CELF4: variants seen among roughly 807,000 people sequenced by gnomAD.
CELF4 encodes CUG-BP- and ETR-3-like factor 4.
CELF4 carries 18 observed loss-of-function variants against 59.9 expected under a neutral mutation model. The observed-to-expected ratio is 0.30, with a 90% CI of 0.21 to 0.45. The LOEUF is 0.45. Ranked by LOEUF, CELF4 falls within the 20% of genes least tolerant of loss-of-function variation. The pLI is 1.00. For missense variants in CELF4, 456 were observed against 689.0 expected (o/e 0.66, Z 3.79); for synonymous variants, 261 against 267.1 (o/e 0.98, Z 0.22).
rs889855689 is a variant in CELF4 at position 37,273,340 on chromosome 18, G to A, written c.802-177C>T. ...TTGCCCTGTACCTCAACAGCTATTA[G>A]AGTCCACCACCCTGAGAGATGACTG... On this transcript the variant is annotated intron_variant, in intron 6 of 12. Transcript: ENST00000420428. 8.0e-5 allele frequency: 113 copies of A among 1,405,836 alleles called. No homozygotes were observed. The African/African-American group carries it at 1.4e-3, about 17-fold the overall frequency. The allele number at this position is 1,405,836 out of a possible 1,614,324, so 87.1% of individuals were successfully genotyped here.
intron 1 of CELF4, among the ~76,000 whole-genome samples, chr18:37,518,340 G>A (rs1032146133): frequency 6.6e-6 from 1 of 152,154 alleles, no homozygotes; most frequent in African/African-American, 2.4e-5. Flanking sequence ...GGCAATAAGC[G>A]ACACACAGCC....
At chr18:37,384,726 A>C (rs1445027677) in intron 2 of CELF4, among the ~76,000 whole-genome samples, 1 of 152,154 alleles carries the variant, frequency 6.6e-6, no homozygotes, top group Admixed American at 6.5e-5. Flanking sequence ...AGCTGGCCAG[A>C]GTGGCTACTG....
At chr18:37,444,933 G>A (rs769915500) in intron 2 of CELF4, among the ~76,000 whole-genome samples, 10 of 152,174 alleles carry the variant, frequency 6.6e-5, no homozygotes, top group African/African-American at 2.2e-4. Context: ...TCCTGTGTGC[G>A]TGACGCGGGC....
At chr18:37,429,780 C>T (rs1446593614) in intron 2 of CELF4, among the ~76,000 whole-genome samples, 1 of 152,204 alleles carries the variant, frequency 6.6e-6, no homozygotes, top group Non-Finnish European at 1.5e-5. Flanking sequence ...AGGGGCTCTC[C>T]TCTACAGCCT....
Position 37,398,017 on chromosome 18 carries a change from G to A in CELF4, c.370-76136C>T, listed in dbSNP as rs138106697. Among the ~76,000 whole-genome samples, 3 of 152,276 alleles carry A rather than the reference G, an allele frequency of 2.0e-5. 1 individual carries two copies. The highest frequency in any genetic ancestry group is 6.8e-3 in the Middle Eastern group (2 of 294). On this transcript the variant is annotated intron_variant, in intron 2 of 12. Transcript: ENST00000420428. Reference sequence around the variant, plus strand: ...CTCCCTCTGGTCTCTCCCCACTCAGGCCCGGGTCAGTGGCAACAGCTGTGG... The same window carrying A: ...CTCCCTCTGGTCTCTCCCCACTCAGACCCGGGTCAGTGGCAACAGCTGTGG...
At chr18:37,251,621 G>A (rs1011328829) in intron 12 of CELF4, among the ~76,000 whole-genome samples, 2 of 152,170 alleles carry the variant, frequency 1.3e-5, no homozygotes, top group Non-Finnish European at 2.9e-5. Flanking sequence ...AAGAGGACAA[G>A]CACCCTAACC....
In CELF4 at chr18:37,391,015, CA is replaced by C. The variant is rs1392758373; in HGVS notation, c.370-69135del. 3.9e-5 allele frequency among the ~76,000 whole-genome samples: 6 copies of C among 152,282 alleles called. No individual in the cohort carries two copies. In the East Asian group the frequency reaches 1.2e-3, roughly 30 times the overall value. On this transcript the variant is annotated intron_variant, in intron 2 of 12. Coordinates refer to ENST00000420428, the MANE Select transcript of CELF4 (RefSeq NM_020180.4). ...CTTGTAACTTTGTCAGCTGTCACAGCAGCCCTGAATGTGGAGGCTGCCTGCC... is the reference window on the plus strand; with the variant it reads ...CTTGTAACTTTGTCAGCTGTCACAGCGCCCTGAATGTGGAGGCTGCCTGCC...
chr18:37,487,822 G>T (rs749067604), intron 1 of CELF4, among the ~76,000 whole-genome samples: 55 of 152,328 alleles, frequency 3.6e-4, no homozygotes, highest in Admixed American at 7.2e-4. Context: ...AAGATAACAA[G>T]AAAAGGATTC....
chr18:37,283,259 C>T (rs1033245507), intron 3 of CELF4, among the ~76,000 whole-genome samples: 22 of 152,060 alleles, frequency 1.4e-4, no homozygotes, highest in South Asian at 2.1e-4. Flanking sequence ...GTCACCTTCT[C>T]GGTGCTGACA....
chr18:37,498,742 C>T (rs1426194475), intron 1 of CELF4, among the ~76,000 whole-genome samples: 5 of 152,046 alleles, frequency 3.3e-5, no homozygotes, highest in Admixed American at 2.0e-4. Flanking sequence ...TGCTGCCATC[C>T]GCAGGGTGTC....
chr18:37,311,633 CA>C (rs2096651973), intron 3 of CELF4, among the ~76,000 whole-genome samples: 1 of 151,528 alleles, frequency 6.6e-6, no homozygotes, highest in Middle Eastern at 3.4e-3. Context: ...ACTAAAAATA[CA>C]AAAAATTAGC....
Position 37,310,938 on chromosome 18 carries a change from G to A in CELF4, c.448+10865C>T, listed in dbSNP as rs146897898. Reference sequence around the variant, plus strand: ...CAGACGGTAGTGACATGGGAGTGGCGATGGGATGGGACACGAGAAGGCCGT... The same window carrying A: ...CAGACGGTAGTGACATGGGAGTGGCAATGGGATGGGACACGAGAAGGCCGT... On this transcript the variant is annotated intron_variant, in intron 3 of 12. Transcript: ENST00000420428. Among the ~76,000 whole-genome samples, 230 of 152,254 alleles carry A rather than the reference G, an allele frequency of 1.5e-3. 1 individual carries two copies. The highest frequency in any genetic ancestry group is 4.8e-3 in the African/African-American group (201 of 41,560).
chr18:37,533,196 G>A (rs1199895055), intron 1 of CELF4, among the ~76,000 whole-genome samples: 1 of 152,232 alleles, frequency 6.6e-6, no homozygotes, highest in Non-Finnish European at 1.5e-5. Flanking sequence ...CATTGCTGGA[G>A]AGCTTTGAGT....
At chr18:37,429,153 C>T (rs1227983757) in intron 2 of CELF4, among the ~76,000 whole-genome samples, 4 of 152,196 alleles carry the variant, frequency 2.6e-5, no homozygotes, top group Non-Finnish European at 4.4e-5. Flanking sequence ...CTGGGGCCAT[C>T]GCTGGCTACG....
At chr18:37,368,562 G>A (rs914973969) in intron 2 of CELF4, among the ~76,000 whole-genome samples, 6 of 152,204 alleles carry the variant, frequency 3.9e-5, no homozygotes, top group African/African-American at 1.4e-4. Flanking sequence ...CTTCCCAGGG[G>A]CCTGGTCTGA....
chr18:37,432,826 C>A (rs1413367108), intron 2 of CELF4, among the ~76,000 whole-genome samples: 4 of 152,172 alleles, frequency 2.6e-5, no homozygotes, highest in Admixed American at 6.5e-5. Flanking sequence ...TTTCAGGAAG[C>A]CTTCTTGGAT....
rs184344320 is a variant in CELF4 at position 37,475,923 on chromosome 18, C to T, written c.369+9602G>A. Among the ~76,000 whole-genome samples the T allele has an allele frequency of 5.3e-5, 8 of 152,298 alleles. No homozygotes were observed. The East Asian group carries it at 7.7e-4, about 15-fold the overall frequency. ...TCCTCCCCACTCCATGGAGTCCTTT[C>T]GGGGCATCCCAGCTCTCTTCTGAAA... On this transcript the variant is annotated intron_variant, in intron 2 of 12. Transcript: ENST00000420428.
chr18:37,516,289 C>T (rs2099950568), intron 1 of CELF4, among the ~76,000 whole-genome samples: 1 of 152,150 alleles, frequency 6.6e-6, no homozygotes, highest in African/African-American at 2.4e-5. Context: ...GGCTCCTCCT[C>T]CCGTCCACCT....
chr18:37,396,253 C>A (rs1042154065), intron 2 of CELF4, among the ~76,000 whole-genome samples: 16 of 152,212 alleles, frequency 1.1e-4, no homozygotes, highest in African/African-American at 3.9e-4. Flanking sequence ...TTGCCAACAG[C>A]CACACGCCAC....
Sources: allele counts gnomAD v4.1 joint callset (sites outside exome capture counted in the v4.1 genomes callset), GRCh38; gene constraint gnomAD v4.1.1; transcripts MANE v1.5; gene names NCBI Gene and HGNC (gene_info 2026-07-23, HGNC 2026-07-21).